Variants in RWDD1 observed in about 807,000 individuals in gnomAD.
The protein encoded by RWDD1 is RWD domain-containing protein 1.
RWDD1 carries 17 observed loss-of-function variants against 31.6 expected under a neutral mutation model. The ratio of observed to expected loss-of-function variants is 0.54; its 90% CI spans 0.37 to 0.81. The LOEUF (loss-of-function observed/expected upper bound fraction) is 0.81. RWDD1 is among the 30% of genes least tolerant of loss of function. The pLI, the probability that RWDD1 is intolerant of heterozygous loss-of-function variation, is 0.00. For synonymous variants in RWDD1, 78 were observed against 94.2 expected (o/e 0.83, Z 0.99); for missense variants, 204 against 274.5 (o/e 0.74, Z 1.82).
chr6:116,589,797 C>T (rs1032378151), intron 4 of RWDD1, among the ~76,000 whole-genome samples: 4 of 152,112 alleles, frequency 2.6e-5, no homozygotes, highest in African/African-American at 4.8e-5. Flanking sequence ...AAAGCAGAAA[C>T]CCCTGATAAA....
intron 1 of RWDD1, chr6:116,573,004 T>C: frequency 3.0e-6 from 3 of 985,320 alleles, no homozygotes; most frequent in Non-Finnish European, 3.6e-6. Context: ...GTATGGAGTC[T>C]GGCTCCCTTC....
At chr6:116,591,785 G>C (rs1002458686) in intron 6 of RWDD1, among the ~76,000 whole-genome samples, 1 of 152,204 alleles carries the variant, frequency 6.6e-6, no homozygotes, top group Non-Finnish European at 1.5e-5. Flanking sequence ...TATCTGTCTT[G>C]CCAGTTGGGA....
At position 116,595,653 on chromosome 6, in the gene RWDD1, T is replaced by TGCCTGGCA; in HGVS notation, c.*2553_*2560dup. The TGCCTGGCA allele has an allele frequency of 6.6e-6, 1 of 152,356 alleles. No individual in the cohort carries two copies. Among genetic ancestry groups the TGCCTGGCA allele is most frequent in the African/African-American group, 2.4e-5 (1 of 41,592 alleles). The allele number at this position is 152,356 out of a possible 1,614,324, so 9.4% of individuals were successfully genotyped here. On this transcript the variant is annotated 3_prime_UTR_variant, in exon 7 of 7. Transcript: ENST00000466444. ...ATTCATTACTGTATCCCTGTAATAA[T>TGCCTGGCA]GCCTGGCATGCAGTAGGTCCCTAAT...
chr6:116,571,552 G>T lies in RWDD1; in HGVS notation c.-31G>T. ...GCTGCTGCGCGCCGCCTAGGTGTCT[G>T]GGCGATCTATGGGCAAGAGCAAGGG... On this transcript the variant is annotated 5_prime_UTR_variant, in exon 1 of 7. Transcript: ENST00000466444. The T allele has an allele frequency of 6.2e-7, 1 of 1,607,548 alleles. No homozygotes were observed.
intron 4 of RWDD1, among the ~76,000 whole-genome samples, chr6:116,589,841 T>C (rs1207529456): frequency 6.6e-6 from 1 of 152,100 alleles, no homozygotes; most frequent in Non-Finnish European, 1.5e-5. Flanking sequence ...TTCACTATCA[T>C]GAGAATAGCA....
At chr6:116,573,823 C>CTTT (rs200209942) in intron 1 of RWDD1, among the ~76,000 whole-genome samples, 5 of 147,194 alleles carry the variant, frequency 3.4e-5, no homozygotes, top group Non-Finnish European at 7.5e-5. Context: ...AATAGATATA[C>CTTT]TTTTTTTTTT....
intron 2 of RWDD1, among the ~76,000 whole-genome samples, chr6:116,583,649 A>G (rs1774986994): frequency 6.6e-6 from 1 of 152,152 alleles, no homozygotes; most frequent in Admixed American, 6.5e-5. Flanking sequence ...CACCTTAAAT[A>G]TATACAATTT....
At chr6:116,590,168 G>A (rs544079411) in intron 4 of RWDD1, 104 bp from the exon 5 acceptor site, 11 of 556,188 alleles carry the variant, frequency 2.0e-5, no homozygotes, top group African/African-American at 1.8e-4. Context: ...TAATTTTTCT[G>A]TTTTTCTTAT....
At position 116,572,827 on chromosome 6, in the gene RWDD1, G is replaced by A. The variant is rs533178432; in HGVS notation, c.73+1172G>A. 13 of 985,386 alleles carry A rather than the reference G, an allele frequency of 1.3e-5. No individual in the cohort carries two copies. In the South Asian group the frequency reaches 5.6e-4, roughly 43 times the overall value. 61.0% of individuals were successfully genotyped at this position (985,386 alleles called of 1,614,324 possible). A position where few individuals can be genotyped will look rare whatever the true frequency, so the allele number is the denominator to read the frequency against. On this transcript the variant is annotated intron_variant, in intron 1 of 6. Coordinates refer to ENST00000466444, the MANE Select transcript of RWDD1 (RefSeq NM_015952.4). Reference sequence around the variant, plus strand: ...TCACCTTTTGACCACTGCTTGCAATGGTAGCAAATTTTGTTCTGCTTTGCC... The same window carrying A: ...TCACCTTTTGACCACTGCTTGCAATAGTAGCAAATTTTGTTCTGCTTTGCC...
intron 3 of RWDD1, among the ~76,000 whole-genome samples, chr6:116,585,384 TA>T (rs1441086230): frequency 6.6e-6 from 1 of 152,054 alleles, no homozygotes; most frequent in African/African-American, 2.4e-5. Flanking sequence ...AAATGGATAT[TA>T]AAAAAAGTTT....
intron 1 of RWDD1, among the ~76,000 whole-genome samples, chr6:116,579,588 A>G (rs1774913082): frequency 6.6e-6 from 1 of 152,242 alleles, no homozygotes; most frequent in South Asian, 2.1e-4. Context: ...AATAGATGAT[A>G]AACAGAGATG....
chr6:116,582,161 T>C (rs1215818355), intron 2 of RWDD1, among the ~76,000 whole-genome samples: 1 of 151,800 alleles, frequency 6.6e-6, no homozygotes, highest in African/African-American at 2.4e-5. Context: ...TAGCGATCTC[T>C]TCCTGATAAT....
chr6:116,594,439 A>T lies in RWDD1; in HGVS notation c.*1338A>T, dbSNP rs1775209026. ...TCTCAAGTTAGATTTATGAACACTG[A>T]TCCCCAGTCTGAATTTTAAAACAGC... On this transcript the variant is annotated 3_prime_UTR_variant, in exon 7 of 7. Coordinates refer to ENST00000466444, the MANE Select transcript of RWDD1 (RefSeq NM_015952.4). The T allele has an allele frequency of 6.6e-6, 1 of 152,176 alleles. No homozygotes were observed. Among genetic ancestry groups the T allele is most frequent in the Admixed American group, 6.5e-5 (1 of 15,272 alleles). The allele number at this position is 152,176 out of a possible 1,614,324, so 9.4% of individuals were successfully genotyped here.
chr6:116,597,165 T>G lies in RWDD1; in HGVS notation c.*4064T>G, dbSNP rs150902728. 6.6e-6 allele frequency: 1 copy of G among 152,008 alleles called. No individual in the cohort carries two copies. The highest frequency in any genetic ancestry group is 1.5e-5 in the Non-Finnish European group (1 of 67,974). The allele number at this position is 152,008 out of a possible 1,614,324, so 9.4% of individuals were successfully genotyped here. On this transcript the variant is annotated 3_prime_UTR_variant, in exon 7 of 7. Coordinates refer to ENST00000466444, the MANE Select transcript of RWDD1 (RefSeq NM_015952.4). Reference sequence around the variant, plus strand: ...AAAGGAGGTGAGGGGAGGGGAGAGATAGCAAGTGAGAAAAAGAGAGACTAG... The same window carrying G: ...AAAGGAGGTGAGGGGAGGGGAGAGAGAGCAAGTGAGAAAAAGAGAGACTAG...
intron 2 of RWDD1, among the ~76,000 whole-genome samples, chr6:116,583,109 C>A (rs1193878780): frequency 1.3e-5 from 2 of 152,024 alleles, no homozygotes; most frequent in Non-Finnish European, 2.9e-5. Flanking sequence ...TCCCAGATAG[C>A]AAGGACTACA....
intron 4 of RWDD1, among the ~76,000 whole-genome samples, chr6:116,590,054 G>C (rs1272754082): frequency 6.6e-6 from 1 of 152,100 alleles, no homozygotes; most frequent in Non-Finnish European, 1.5e-5. Flanking sequence ...TTTGTTTCTT[G>C]TAATAAGAAT....
In RWDD1 at chr6:116,590,959, ATAG is replaced by A; in HGVS notation, c.610+13_610+15del. 2 of 1,572,140 alleles carry A rather than the reference ATAG, an allele frequency of 1.3e-6. No homozygotes were observed. The highest frequency in any genetic ancestry group is 1.2e-5 in the South Asian group (1 of 83,664). On this transcript the variant is annotated intron_variant, in intron 6 of 6. Coordinates refer to ENST00000466444, the MANE Select transcript of RWDD1 (RefSeq NM_015952.4). ...CCAGTTCTTGGAGGATGGTAAGATA[ATAG>A]TAGAATTCCACATGTGGGACAGGCA...
At chr6:116,572,887 C>G (rs771877238) in intron 1 of RWDD1, 9 of 985,460 alleles carry the variant, frequency 9.1e-6, no homozygotes, top group Non-Finnish European at 1.1e-5. Context: ...CCCTGTATAG[C>G]TCCAGTCCTG....
In RWDD1 at chr6:116,593,260, A is replaced by G. The variant is rs1049121323; in HGVS notation, c.*159A>G. On this transcript the variant is annotated 3_prime_UTR_variant, in exon 7 of 7. Coordinates refer to ENST00000466444, the MANE Select transcript of RWDD1 (RefSeq NM_015952.4). Reference sequence around the variant, plus strand: ...ATTGAACTTAATAAACTGACCTTAAAATTTCAAATATAAAATGTTCAAGGC... The same window carrying G: ...ATTGAACTTAATAAACTGACCTTAAGATTTCAAATATAAAATGTTCAAGGC... 1.5e-5 allele frequency: 10 copies of G among 665,090 alleles called. No individual in the cohort carries two copies. In the African/African-American group the frequency reaches 1.7e-4, roughly 11 times the overall value. The allele number at this position is 665,090 out of a possible 1,614,324, so 41.2% of individuals were successfully genotyped here.
Sources: gnomAD v4.1 joint callset for allele counts (sites outside exome capture counted in the v4.1 genomes callset) on GRCh38, gnomAD v4.1.1 for gene constraint, MANE v1.5 for transcripts, NCBI Gene and HGNC (gene_info 2026-07-23, HGNC 2026-07-21) for gene names.